Variants in NUP58 observed in about 807,000 individuals in gnomAD.
NUP58 encodes the protein nucleoporin 58, also known as nucleoporin p58/p45.
Under a neutral mutation model 70.1 loss-of-function variants are expected in NUP58, and 17 were observed. The ratio of observed to expected loss-of-function variants is 0.24; its 90% CI spans 0.17 to 0.36. NUP58 has a LOEUF of 0.36. Ranked by LOEUF, NUP58 falls within the 10% of genes least tolerant of loss-of-function variation. NUP58 has a pLI of 1.00. For missense variants in NUP58, 644 were observed against 701.5 expected, an observed-to-expected ratio of 0.92 and a Z score of 0.93; for synonymous variants, 275 against 257.6, an observed-to-expected ratio of 1.07 and a Z score of -0.65.
chr13:25,315,570 G>A, intron 6 of NUP58, 103 bp downstream of exon 6: 1 of 741,826 alleles, frequency 1.3e-6, no homozygotes. Context: ...TATATATTTA[G>A]TAGTAACAGT....
intron 6 of NUP58, 88 bp from the exon 7 acceptor site, chr13:25,319,235 ATAC>A: frequency 9.9e-7 from 1 of 1,011,316 alleles, no homozygotes; most frequent in Non-Finnish European, 1.5e-6. Context: ...GTTTATATTT[ATAC>A]TTTAATTTGT....
At chr13:25,303,674 A>G (rs1408485127) in intron 1 of NUP58, among the ~76,000 whole-genome samples, 1 of 152,156 alleles carries the variant, frequency 6.6e-6, no homozygotes, top group East Asian at 1.9e-4. Context: ...TGCTGATCAC[A>G]ATTGTAATCA....
At chr13:25,321,690 G>T (rs1224610820) in intron 9 of NUP58, among the ~76,000 whole-genome samples, 1 of 152,162 alleles carries the variant, frequency 6.6e-6, no homozygotes, top group Non-Finnish European at 1.5e-5. Flanking sequence ...GCCAGGGCAG[G>T]TAAATCACTT....
chr13:25,347,201 T>C (rs1238627643), downstream of NUP58, among the ~76,000 whole-genome samples: 1 of 152,100 alleles, frequency 6.6e-6, no homozygotes. Flanking sequence ...GCACTCAAGT[T>C]TCAGATTTTG....
rs968467214 is a variant in NUP58 at position 25,341,698 on chromosome 13, A to G, written c.*1564A>G. ...GGTGGATATAAAAGAAAACCCTTGG[A>G]AAGAGAACTGCCTTAGCCATGATTT... On this transcript the variant is annotated 3_prime_UTR_variant, in exon 16 of 16. Coordinates refer to ENST00000381736, the MANE Select transcript of NUP58 (RefSeq NM_014089.4). 1 of 152,624 alleles carries G rather than the reference A, an allele frequency of 6.6e-6. No individual in the cohort carries two copies. The highest frequency in any genetic ancestry group is 2.1e-4 in the South Asian group (1 of 4,834). 9.5% of individuals were successfully genotyped at this position (152,624 alleles called of 1,614,324 possible).
Position 25,319,234 on chromosome 13 carries a change from T to G in NUP58, c.686-92T>G. 5 of 1,083,188 alleles carry G rather than the reference T, an allele frequency of 4.6e-6. No homozygotes were observed. The Admixed American group carries it at 8.7e-5, about 19-fold the overall frequency. 67.1% of individuals were successfully genotyped at this position (1,083,188 alleles called of 1,614,324 possible). On this transcript the variant is annotated intron_variant, in intron 6 of 15. Coordinates refer to ENST00000381736, the MANE Select transcript of NUP58 (RefSeq NM_014089.4). ...AAAGAAATGCTTAACAGTTTATATT[T>G]ATACTTTAATTTGTGTTAATTTAAA... is the stretch of plus-strand genomic sequence containing the variant.
intron 12 of NUP58, among the ~76,000 whole-genome samples, chr13:25,331,113 C>T (rs1162875181): frequency 6.6e-6 from 1 of 152,018 alleles, no homozygotes; most frequent in Non-Finnish European, 1.5e-5. Context: ...TAAACAAGGC[C>T]TCACAAAGAC....
downstream of NUP58, among the ~76,000 whole-genome samples, chr13:25,343,752 C>T (rs2032009189): frequency 6.6e-6 from 1 of 150,690 alleles, no homozygotes; most frequent in African/African-American, 2.4e-5. Context: ...CTACCATGCC[C>T]AGCCAATTCA....
At chr13:25,315,566 TTTAGTAG>T (rs2030888880) in intron 6 of NUP58, 99 bp downstream of exon 6, 2 of 773,394 alleles carry the variant, frequency 2.6e-6, no homozygotes, top group African/African-American at 1.7e-5. Flanking sequence ...CAGTTATATA[TTTAGTAG>T]TAACAGTTAG....
At position 25,340,014 on chromosome 13, in the gene NUP58, C is replaced by A; in HGVS notation, c.1680C>A (p.Ile560=). ...TSGFNFSNPG[I]TASAGLTFGV... is the part of the protein sequence containing the mutation. ...GGTTTAACTTCAGCAATCCTGGCAT[C>A]ACGGCATCAGCTGGTTTGACTTTTG... Residue 560 remains isoleucine, a synonymous_variant, in exon 16 of 16, where the codon ATC becomes ATA. Transcript: ENST00000381736. 1 of 1,612,736 alleles carries A rather than the reference C, an allele frequency of 6.2e-7. No individual in the cohort carries two copies. The highest frequency in any genetic ancestry group is 8.5e-7 in the Non-Finnish European group (1 of 1,179,492).
At chr13:25,343,255 G>A (rs2032000190), downstream of NUP58, among the ~76,000 whole-genome samples, 1 of 151,386 alleles carries the variant, frequency 6.6e-6, no homozygotes, top group African/African-American at 2.4e-5. Flanking sequence ...CTCCCACTTA[G>A]AGAACATAGG....
intron 6 of NUP58, among the ~76,000 whole-genome samples, chr13:25,318,485 G>T (rs780144504): frequency 2.6e-5 from 4 of 152,058 alleles, no homozygotes; most frequent in Non-Finnish European, 4.4e-5. Flanking sequence ...TCTTACAAGA[G>T]TCTAATATTA....
intron 6 of NUP58, 109 bp downstream of exon 6, chr13:25,315,576 A>C (rs1183817108): frequency 5.6e-6 from 4 of 718,260 alleles, no homozygotes; most frequent in Non-Finnish European, 9.8e-6. Context: ...TTTAGTAGTA[A>C]CAGTTAGCTA....
At chr13:25,311,424 G>C (rs1373685419) in intron 3 of NUP58, among the ~76,000 whole-genome samples, 2 of 152,132 alleles carry the variant, frequency 1.3e-5, no homozygotes, top group African/African-American at 4.8e-5. Flanking sequence ...TGCACAGGCT[G>C]GAGTGCAATG....
chr13:25,346,351 G>A (rs2032050373), downstream of NUP58, among the ~76,000 whole-genome samples: 2 of 152,036 alleles, frequency 1.3e-5, no homozygotes, highest in Non-Finnish European at 2.9e-5. Flanking sequence ...TCAAACCCAG[G>A]CAGTCTATGT....
At chr13:25,311,885 A>G (rs2030687483) in intron 3 of NUP58, among the ~76,000 whole-genome samples, 1 of 152,158 alleles carries the variant, frequency 6.6e-6, no homozygotes, top group African/African-American at 2.4e-5. Context: ...GGAGAAGGAA[A>G]GGATGTCAAG....
At chr13:25,306,208 A>G (rs1308138421) in intron 1 of NUP58, among the ~76,000 whole-genome samples, 1 of 152,042 alleles carries the variant, frequency 6.6e-6, no homozygotes. Context: ...GATTGAGACC[A>G]TCCTGGCTAA....
chr13:25,317,982 ACCT>A (rs760445453), intron 6 of NUP58, among the ~76,000 whole-genome samples: 6 of 150,600 alleles, frequency 4.0e-5, no homozygotes, highest in Non-Finnish European at 7.4e-5. Context: ...TCCTACGTTA[ACCT>A]CCTAAGTAGC....
At chr13:25,326,623 C>T (rs553700822) in intron 10 of NUP58, among the ~76,000 whole-genome samples, 6 of 151,980 alleles carry the variant, frequency 3.9e-5, no homozygotes, top group African/African-American at 1.4e-4. Flanking sequence ...GTATAATTAC[C>T]AAGAACAGGA....
Sources: allele counts gnomAD v4.1 joint callset (sites outside exome capture counted in the v4.1 genomes callset), GRCh38; gene constraint gnomAD v4.1.1; transcripts MANE v1.5; gene names NCBI Gene and HGNC (gene_info 2026-07-23, HGNC 2026-07-21).